Variants in PTCHD4 observed in about 807,000 individuals in gnomAD.
PTCHD4 encodes the protein patched domain-containing protein 4.
A neutral mutation model predicts 58.1 loss-of-function variants in PTCHD4; 33 were observed. That is an observed-to-expected ratio of 0.57 (90% CI 0.43 to 0.76). The LOEUF (loss-of-function observed/expected upper bound fraction) is 0.76. Ranked by LOEUF, PTCHD4 falls within the 30% of genes least tolerant of loss-of-function variation. PTCHD4 has a pLI of 0.00. For synonymous variants in PTCHD4, 478 were observed against 409.6 expected, an observed-to-expected ratio of 1.17 and a Z score of -2.02; for missense variants, 1,058 against 1,027.1, an observed-to-expected ratio of 1.03 and a Z score of -0.41.
In PTCHD4 at chr6:48,010,380, G is replaced by C. The variant is rs563543895; in HGVS notation, c.418-1266C>G. Among the ~76,000 whole-genome samples, 3 of 152,230 alleles carry C rather than the reference G, an allele frequency of 2.0e-5. No individual in the cohort carries two copies. In the South Asian group the frequency reaches 6.2e-4, roughly 32 times the overall value. On this transcript the variant is annotated intron_variant, in intron 3 of 4. Coordinates refer to ENST00000339488, the MANE Select transcript of PTCHD4 (RefSeq NM_001384253.1). ...CTCTTGTTTTTCGCAGAACTGGGAG[G>C]TATTATGTACTCTAGCAGACACATG...
intron 1 of PTCHD4, among the ~76,000 whole-genome samples, chr6:48,086,363 A>G (rs1310187101): frequency 1.3e-5 from 2 of 152,330 alleles, no homozygotes; most frequent in Non-Finnish European, 1.5e-5. Context: ...CATTATTTAT[A>G]AATAAACAGG....
rs1266521415 is a variant in PTCHD4, at chr6:47,876,503, A to G, written c.*1800T>C. 4.0e-5 allele frequency among the ~76,000 whole-genome samples: 6 copies of G among 151,874 alleles called. No homozygotes were observed. Among genetic ancestry groups the G allele is most frequent in the Non-Finnish European group, 8.8e-5 (6 of 67,942 alleles). ...CTAAGTATACTTGTTTTGTTACTTC[A>G]TTAGTCTATCAACTTCATTTCCAGA... On this transcript the variant is annotated 3_prime_UTR_variant, in exon 5 of 5. Coordinates refer to ENST00000339488, the MANE Select transcript of PTCHD4 (RefSeq NM_001384253.1).
chr6:48,049,029 G>A lies in PTCHD4; in HGVS notation c.417+19201C>T, dbSNP rs117169717. Among the ~76,000 whole-genome samples the A allele has an allele frequency of 7.2e-3, 1,098 of 152,054 alleles. 26 individuals carry two copies. The highest frequency in any genetic ancestry group is 0.05 in the Admixed American group (760 of 15,236). ...AGGGATTTAGATGAGGTACAAAGAC[G>A]ATTTTCTTGATGGCTTGTGGGCAGA... On this transcript the variant is annotated intron_variant, in intron 3 of 4. Coordinates refer to ENST00000339488, the MANE Select transcript of PTCHD4 (RefSeq NM_001384253.1).
Position 47,879,587 on chromosome 6 carries a change from A to G in PTCHD4, c.1248T>C (p.Pro416=), listed in dbSNP as rs1420619835. 10 of 1,613,662 alleles carry G rather than the reference A, an allele frequency of 6.2e-6. No individual in the cohort carries two copies. The highest frequency in any genetic ancestry group is 1.3e-5 in the African/African-American group (1 of 74,892). ...CACTCATCACTGTCTGGAACCACACAGGTTTGCGATCCAGGTATTCTGCAG... is the reference window on the plus strand; with the variant it reads ...CACTCATCACTGTCTGGAACCACACGGGTTTGCGATCCAGGTATTCTGCAG... The part of the protein sequence containing the change: ...IPSAEYLDRK[P]VWFQTVMSDG... Residue 416 remains proline (P), a synonymous_variant, in exon 5 of 5, where the codon CCT becomes CCC. Transcript: ENST00000339488.
intron 3 of PTCHD4, among the ~76,000 whole-genome samples, chr6:48,032,999 A>C (rs1763503973): frequency 6.6e-6 from 1 of 152,162 alleles, no homozygotes; most frequent in Admixed American, 6.5e-5. Flanking sequence ...TATTGAACAA[A>C]GAGTTGTAAG....
chr6:48,000,977 C>T (rs1043119402), intron 4 of PTCHD4, among the ~76,000 whole-genome samples: 3 of 152,082 alleles, frequency 2.0e-5, no homozygotes, highest in Admixed American at 6.6e-5. Flanking sequence ...AAACAGAGAG[C>T]CAAATCATGA....
At chr6:47,886,660 C>A (rs1764203264) in intron 4 of PTCHD4, among the ~76,000 whole-genome samples, 1 of 152,108 alleles carries the variant, frequency 6.6e-6, no homozygotes, top group East Asian at 1.9e-4. Context: ...AAAAATAAAA[C>A]CACAATCAAC....
chr6:48,071,282 T>C (rs1764970389), intron 1 of PTCHD4, among the ~76,000 whole-genome samples: 1 of 152,196 alleles, frequency 6.6e-6, no homozygotes, highest in African/African-American at 2.4e-5. Context: ...AATGTATAAT[T>C]GACTAAATAA....
At chr6:47,986,193 C>T (rs1768058757) in intron 4 of PTCHD4, among the ~76,000 whole-genome samples, 1 of 151,986 alleles carries the variant, frequency 6.6e-6, no homozygotes, top group Non-Finnish European at 1.5e-5. Flanking sequence ...TGTATTCTAG[C>T]TTTATTGCAT....
chr6:48,062,184 T>C (rs996656418), intron 3 of PTCHD4, among the ~76,000 whole-genome samples: 1 of 152,208 alleles, frequency 6.6e-6, no homozygotes, highest in Non-Finnish European at 1.5e-5. Flanking sequence ...TATAGAATTA[T>C]TTAAAGTAGA....
intron 3 of PTCHD4, among the ~76,000 whole-genome samples, chr6:48,061,825 C>G (rs1347300236): frequency 6.6e-6 from 1 of 152,186 alleles, no homozygotes; most frequent in Non-Finnish European, 1.5e-5. Context: ...AGCACACTGG[C>G]AGAAACACTC....
chr6:47,901,798 T>A, intron 4 of PTCHD4: 2 of 1,252,008 alleles, frequency 1.6e-6, no homozygotes, highest in Non-Finnish European at 2.1e-6. Context: ...ATGATTTTAT[T>A]GTATCCTAGG....
chr6:48,057,258 T>C (rs974028418), intron 3 of PTCHD4, among the ~76,000 whole-genome samples: 2 of 150,724 alleles, frequency 1.3e-5, no homozygotes, highest in African/African-American at 4.9e-5. Context: ...GGACCACTCA[T>C]GAAAATGGCT....
chr6:48,091,774 T>TAGCTGGGA (rs1428529998), intron 1 of PTCHD4, among the ~76,000 whole-genome samples: 19 of 151,942 alleles, frequency 1.3e-4, no homozygotes, highest in Admixed American at 1.2e-3. Context: ...GACTCCTGAG[T>TAGCTGGGA]AGCTGGGATT....
At chr6:47,974,030 G>A (rs890144700) in intron 4 of PTCHD4, among the ~76,000 whole-genome samples, 7 of 152,172 alleles carry the variant, frequency 4.6e-5, no homozygotes, top group Non-Finnish European at 7.4e-5. Context: ...AGTAGGTGAC[G>A]ACGGGCAATA....
chr6:48,108,965 A>T (rs1429069758), intron 1 of PTCHD4, among the ~76,000 whole-genome samples: 1 of 152,134 alleles, frequency 6.6e-6, no homozygotes, highest in Non-Finnish European at 1.5e-5. Flanking sequence ...ATGTTGAGAA[A>T]ATGAAAAATA....
chr6:47,950,766 A>G (rs181319347), intron 4 of PTCHD4, among the ~76,000 whole-genome samples: 7 of 152,282 alleles, frequency 4.6e-5, no homozygotes, highest in African/African-American at 1.4e-4. Context: ...GGACTCTATG[A>G]GGTCACCAAG....
intron 3 of PTCHD4, among the ~76,000 whole-genome samples, chr6:48,015,842 T>C (rs1162787472): frequency 6.6e-6 from 1 of 151,968 alleles, no homozygotes; most frequent in Admixed American, 6.6e-5. Flanking sequence ...GCCTGATGTG[T>C]AATAAACATT....
chr6:47,993,561 A>C (rs917503526), intron 4 of PTCHD4, among the ~76,000 whole-genome samples: 1 of 152,202 alleles, frequency 6.6e-6, no homozygotes, highest in African/African-American at 2.4e-5. Context: ...ATATGGCAGC[A>C]GATATCCAGG....
Sources: allele counts gnomAD v4.1 joint callset (sites outside exome capture counted in the v4.1 genomes callset), GRCh38; gene constraint gnomAD v4.1.1; transcripts MANE v1.5; gene names NCBI Gene and HGNC (gene_info 2026-07-23, HGNC 2026-07-21).